MICU2: variants seen among roughly 807,000 people sequenced by gnomAD.
The protein encoded by MICU2 is mitochondrial calcium uptake 2, also known as calcium uptake protein 2, mitochondrial.
In MICU2, 64 loss-of-function variants were observed where a neutral mutation model predicts 60.4. The observed-to-expected ratio is 1.06, with a 90% CI of 0.87 to 1.31. The LOEUF (loss-of-function observed/expected upper bound fraction) is 1.31. MICU2 is among the 50% of genes most tolerant of loss of function. MICU2 has a pLI of 0.00. For synonymous variants in MICU2, 201 were observed against 175.0 expected (o/e 1.15, Z -1.17); for missense variants, 569 against 531.0 (o/e 1.07, Z -0.70).
At chr13:21,567,253 G>A (rs1396317812) in intron 1 of MICU2, among the ~76,000 whole-genome samples, 1 of 152,180 alleles carries the variant, frequency 6.6e-6, no homozygotes, top group East Asian at 1.9e-4. Flanking sequence ...GGATAAGGTG[G>A]TAATACCATA....
At chr13:21,551,485 G>A (rs1887563282) in intron 2 of MICU2, 1 of 151,782 alleles carries the variant, frequency 6.6e-6, no homozygotes, top group Admixed American at 6.6e-5. Context: ...TGTGCACAAT[G>A]TGCAGGTTAG....
At chr13:21,596,926 T>C (rs1347064233) in intron 1 of MICU2, among the ~76,000 whole-genome samples, 2 of 152,206 alleles carry the variant, frequency 1.3e-5, no homozygotes, top group Non-Finnish European at 2.9e-5. Context: ...GTTTTTGCCA[T>C]GTCAGGATTA....
chr13:21,511,806 A>G (rs1886434057), intron 7 of MICU2, among the ~76,000 whole-genome samples: 1 of 151,690 alleles, frequency 6.6e-6, no homozygotes, highest in Non-Finnish European at 1.5e-5. Flanking sequence ...AACTTTCAGG[A>G]ACTGGCATTT....
At chr13:21,512,375 T>G (rs1886452001) in intron 7 of MICU2, among the ~76,000 whole-genome samples, 1 of 152,152 alleles carries the variant, frequency 6.6e-6, no homozygotes, top group African/African-American at 2.4e-5. Context: ...GATTTGCAAG[T>G]ATCTTCTTCC....
In MICU2 at chr13:21,530,913, A is replaced by G. The variant is rs529305328; in HGVS notation, c.467-8263T>C. 3 of 758,802 alleles carry G rather than the reference A, an allele frequency of 4.0e-6. No homozygotes were observed. The South Asian group carries it at 4.2e-5, about 11-fold the overall frequency. 47.0% of individuals were successfully genotyped at this position (758,802 alleles called of 1,614,324 possible). ...GAGCAGAATGGGCTGATATAGATCT[A>G]GTGCTGCAGAATGTTGGCCCCAATC... On this transcript the variant is annotated intron_variant, in intron 4 of 11. Coordinates refer to ENST00000382374, the MANE Select transcript of MICU2 (RefSeq NM_152726.3).
At chr13:21,499,234 A>G (rs188420734) in intron 9 of MICU2, among the ~76,000 whole-genome samples, 11 of 152,176 alleles carry the variant, frequency 7.2e-5, no homozygotes, top group Admixed American at 6.5e-4. Flanking sequence ...TACAGGTGGG[A>G]GCCATAGGCC....
In MICU2 at chr13:21,493,221, T is replaced by C. The variant is rs375712026; in HGVS notation, c.*28A>G. Reference sequence around the variant, plus strand: ...TCACAAATTTTGACATTTGGAACAATATAATTGCCATACTATTATATCTTT... The same window carrying C: ...TCACAAATTTTGACATTTGGAACAACATAATTGCCATACTATTATATCTTT... On this transcript the variant is annotated 3_prime_UTR_variant, in exon 12 of 12. Transcript: ENST00000382374. The C allele has an allele frequency of 4.1e-6, 6 of 1,479,642 alleles. No individual in the cohort carries two copies. Among genetic ancestry groups the C allele is most frequent in the East Asian group, 2.3e-5 (1 of 43,554 alleles). 91.7% of individuals were successfully genotyped at this position (1,479,642 alleles called of 1,614,324 possible).
In MICU2 at chr13:21,517,799, A is replaced by ACACACACACACG. The variant is rs1244489287; in HGVS notation, c.598-3382_598-3381insCGTGTGTGTGTG. 2.1e-3 allele frequency among the ~76,000 whole-genome samples: 285 copies of ACACACACACACG among 136,384 alleles called. 1 individual carries two copies. Among genetic ancestry groups the ACACACACACACG allele is most frequent in the African/African-American group, 8.4e-3 (273 of 32,448 alleles). The allele number at this position is 136,384 out of a possible 152,430, so 89.5% of individuals were successfully genotyped here. A position where few individuals can be genotyped will look rare whatever the true frequency, so the allele number is the denominator to read the frequency against. On this transcript the variant is annotated intron_variant, in intron 6 of 11. Coordinates refer to ENST00000382374, the MANE Select transcript of MICU2 (RefSeq NM_152726.3). ...CACACACACACACACACACACACAC[A>ACACACACACACG]CGCGCGCGCGCGCGCACACGCGCTA... is the stretch of plus-strand genomic sequence containing the variant.
At chr13:21,517,600 AC>A (rs1886601556) in intron 6 of MICU2, among the ~76,000 whole-genome samples, 1 of 152,058 alleles carries the variant, frequency 6.6e-6, no homozygotes, top group South Asian at 2.1e-4. Context: ...ACATGGTGAA[AC>A]CCTGTCTCTA....
intron 1 of MICU2, among the ~76,000 whole-genome samples, chr13:21,586,963 CCATT>C (rs1487925709): frequency 1.3e-5 from 2 of 152,118 alleles, no homozygotes; most frequent in Non-Finnish European, 2.9e-5. Flanking sequence ...TCCCTCTTTC[CCATT>C]ATTATTTGTC....
At chr13:21,580,313 T>C (rs905288808) in intron 1 of MICU2, among the ~76,000 whole-genome samples, 3 of 152,246 alleles carry the variant, frequency 2.0e-5, no homozygotes, top group Admixed American at 6.5e-5. Context: ...TGGAATCTTA[T>C]ATGAGAAACA....
intron 2 of MICU2, among the ~76,000 whole-genome samples, chr13:21,551,635 T>A (rs1887568070): frequency 7.3e-6 from 1 of 136,090 alleles, no homozygotes; most frequent in Non-Finnish European, 1.5e-5. Context: ...CCCCTTCCTG[T>A]GTCCACGTGT....
intron 1 of MICU2, among the ~76,000 whole-genome samples, chr13:21,586,945 C>A (rs1888472324): frequency 6.6e-6 from 1 of 152,304 alleles, no homozygotes; most frequent in East Asian, 1.9e-4. Flanking sequence ...CTCTCCCAGG[C>A]ATCTTCTTCC....
chr13:21,552,398 T>C (rs1047458881), intron 2 of MICU2, among the ~76,000 whole-genome samples: 4 of 152,166 alleles, frequency 2.6e-5, no homozygotes, highest in Non-Finnish European at 5.9e-5. Flanking sequence ...ACTCTGATGG[T>C]AGTTTCTTTT....
intron 8 of MICU2, among the ~76,000 whole-genome samples, chr13:21,504,383 T>C (rs558962568): frequency 1.0e-3 from 156 of 152,248 alleles, no homozygotes; most frequent in African/African-American, 3.6e-3. Context: ...TTCCCTTTTT[T>C]CTTCAGGCTC....
chr13:21,570,774 C>T (rs1888089292), intron 1 of MICU2, among the ~76,000 whole-genome samples: 1 of 152,084 alleles, frequency 6.6e-6, no homozygotes, highest in African/African-American at 2.4e-5. Context: ...GACCAGAAGT[C>T]ATGTCTTCTG....
At chr13:21,593,501 TA>T (rs71093337) in intron 1 of MICU2, among the ~76,000 whole-genome samples, 76,913 of 127,856 alleles carry the variant, frequency 0.6, 22,419 homozygotes, top group East Asian at 1. Context: ...TTCCCAGAAT[TA>T]AAAAAAAAAC....
In MICU2 at chr13:21,495,322, A is replaced by G; in HGVS notation, c.1043-4T>C. 1.9e-6 allele frequency: 3 copies of G among 1,578,254 alleles called. No homozygotes were observed. Among genetic ancestry groups the G allele is most frequent in the Non-Finnish European group, 2.6e-6 (3 of 1,163,482 alleles). On this transcript the variant is annotated splice_polypyrimidine_tract_variant and splice_region_variant and intron_variant, in intron 10 of 11. Coordinates refer to ENST00000382374, the MANE Select transcript of MICU2 (RefSeq NM_152726.3). ...TTCACAGCTCTCTTAAACTCCGCTA[A>G]AAAACAAACATAAAACAACTTATCA...
rs1303327114 is a variant in MICU2 at position 21,604,157 on chromosome 13, A to C, written c.-9T>G. ...CCCGCAGCCGCCGCCATCTTTGCGG[A>C]AGCGCAGCTAGGCGGCGCTTCTCTC... On this transcript the variant is annotated 5_prime_UTR_variant, in exon 1 of 12. Coordinates refer to ENST00000382374, the MANE Select transcript of MICU2 (RefSeq NM_152726.3). 8 of 1,545,276 alleles carry C rather than the reference A, an allele frequency of 5.2e-6. No homozygotes were observed. In the East Asian group the frequency reaches 2.0e-4, roughly 38 times the overall value.
Sources: gnomAD v4.1 joint callset for allele counts (sites outside exome capture counted in the v4.1 genomes callset) on GRCh38, gnomAD v4.1.1 for gene constraint, MANE v1.5 for transcripts, NCBI Gene and HGNC (gene_info 2026-07-23, HGNC 2026-07-21) for gene names.